The following ZNF99 variants were observed in gnomAD, a reference collection of about 807,000 sequenced individuals.
ZNF99 encodes the protein zinc finger protein 99.
A neutral mutation model predicts 12.8 loss-of-function variants in ZNF99; 8 were observed. The observed-to-expected ratio is 0.62, with a 90% confidence interval of 0.37 to 1.13. The LOEUF is 1.13. Among genes scored for constraint, ZNF99 ranks in the 50% most tolerant of loss-of-function variants. ZNF99 has a pLI of 0.02. For missense variants in ZNF99, 1,007 were observed against 1,006.2 expected (o/e 1.00, Z -0.01); for synonymous variants, 318 against 319.0 (o/e 1.00, Z 0.03).
At chr19:22,761,358 T>TA (rs1973149370) in intron 3 of ZNF99, among the ~76,000 whole-genome samples, 1 of 151,866 alleles carries the variant, frequency 6.6e-6, no homozygotes, top group South Asian at 2.1e-4. Flanking sequence ...TAAGACAAAA[T>TA]AAACTTTAAA....
Position 22,769,760 on chromosome 19 carries a change from C to CAA in ZNF99, c.4-438_4-437dup, listed in dbSNP as rs376034686. Among the ~76,000 whole-genome samples the CAA allele has an allele frequency of 2.3e-3, 198 of 85,008 alleles. 1 individual carries two copies. The highest frequency in any genetic ancestry group is 7.7e-3 in the Middle Eastern group (1 of 130). The allele number at this position is 85,008 out of a possible 152,430, so 55.8% of individuals were successfully genotyped here. ...TGGGCGACAGAGCTAGACTCTGTCTCAAAAAAAAAAAAATAAAGAAAAGAA... is the reference window on the plus strand; with the variant it reads ...TGGGCGACAGAGCTAGACTCTGTCTCAAAAAAAAAAAAAAATAAAGAAAAGAA... On this transcript the variant is annotated intron_variant, in intron 1 of 3. Transcript: ENST00000596209.
At chr19:22,763,595 C>A (rs1463863694) in intron 3 of ZNF99, among the ~76,000 whole-genome samples, 1 of 152,086 alleles carries the variant, frequency 6.6e-6, no homozygotes, top group Non-Finnish European at 1.5e-5. Context: ...CATCAAAATA[C>A]CACCGTCATT....
rs1490254506 is a variant in ZNF99, at chr19:22,757,897, T to C, written c.2012A>G (p.His671Arg). The change falls in exon 4 of 4, where the codon CAT becomes CGT. Residue 671 changes from histidine (H) to arginine (R), a missense_variant. Transcript: ENST00000596209. ...SSHLTRHKVI[H>R]TEEKPYKCEE... is the part of the protein sequence containing the mutation. ...ACATTTGTAGGGTTTCTCTTCAGTA[T>C]GAATTACTTTATGTCTAGTAAGGTG... The C allele has an allele frequency of 1.9e-6, 3 of 1,612,704 alleles. No individual in the cohort carries two copies. Among genetic ancestry groups the C allele is most frequent in the Admixed American group, 1.7e-5 (1 of 59,946 alleles).
Position 22,753,954 on chromosome 19 carries a change from TATG to T in ZNF99, c.*3357_*3359del. The T allele has an allele frequency of 2.2e-6, 1 of 448,902 alleles. No individual in the cohort carries two copies. Among genetic ancestry groups the T allele is most frequent in the South Asian group, 1.6e-5 (1 of 63,626 alleles). 27.8% of individuals were successfully genotyped at this position (448,902 alleles called of 1,614,324 possible). On this transcript the variant is annotated 3_prime_UTR_variant, in exon 4 of 4. Coordinates refer to ENST00000596209, the MANE Select transcript of ZNF99 (RefSeq NM_001080409.3). ...ACTCACATCTAGGGCTTCTTGACAC[TATG>T]ATTTCTTTTATGTTTAGAAAAGTTT... is the stretch of plus-strand genomic sequence containing the variant.
At chr19:22,779,074 G>C (rs1973359328) in intron 1 of ZNF99, among the ~76,000 whole-genome samples, 1 of 151,944 alleles carries the variant, frequency 6.6e-6, no homozygotes, top group South Asian at 2.1e-4. Flanking sequence ...GTAAATAGCT[G>C]TGATTAATAA....
chr19:22,779,206 G>A (rs748531255), intron 1 of ZNF99, among the ~76,000 whole-genome samples: 3 of 151,530 alleles, frequency 2.0e-5, no homozygotes, highest in Non-Finnish European at 4.4e-5. Context: ...TCTGCACATT[G>A]TCTCCTTTTT....
rs750728714 is a variant in ZNF99 at position 22,757,765 on chromosome 19, C to G, written c.2144G>C (p.Ser715Thr). The change falls in exon 4 of 4, where the codon AGC becomes ACC. Residue 715 changes from serine (S) to threonine (T), a missense_variant. Transcript: ENST00000596209. ...ATGTTTTCTAAGAGTTGAGGACTGG[C>G]TAAAAGCTTTGCCACATTCTTCACA... ...YKCEECGKAF[S>T]QSSTLRKHEI... The G allele has an allele frequency of 7.5e-6, 12 of 1,590,362 alleles. No homozygotes were observed. The South Asian group carries it at 1.3e-4, about 18-fold the overall frequency.
Position 22,759,356 on chromosome 19 carries a change from G to A in ZNF99, c.553C>T (p.Leu185Phe). 6.4e-7 allele frequency: 1 copy of A among 1,550,748 alleles called. No homozygotes were observed. Among genetic ancestry groups the A allele is most frequent in the Non-Finnish European group, 8.7e-7 (1 of 1,148,254 alleles). The change falls in exon 4 of 4, where the codon CTT becomes TTT. Residue 185 changes from leucine to phenylalanine, a missense_variant. Coordinates refer to ENST00000596209, the MANE Select transcript of ZNF99 (RefSeq NM_001080409.3). Reference sequence around the variant, plus strand: ...CTCTTATGTTGAATTAAGTGTGAAAGCATGAAAAATGATTTGCTACATTTC... The same window carrying A: ...CTCTTATGTTGAATTAAGTGTGAAAACATGAAAAATGATTTGCTACATTTC... ...CMKCSKSFFM[L>F]SHLIQHKRIH...
chr19:22,755,238 T>C lies in ZNF99; in HGVS notation c.*2076A>G. The C allele has an allele frequency of 3.6e-6, 1 of 275,484 alleles. No homozygotes were observed. Among genetic ancestry groups the C allele is most frequent in the South Asian group, 4.2e-5 (1 of 23,926 alleles). The allele number at this position is 275,484 out of a possible 1,614,324, so 17.1% of individuals were successfully genotyped here. On this transcript the variant is annotated 3_prime_UTR_variant, in exon 4 of 4. Coordinates refer to ENST00000596209, the MANE Select transcript of ZNF99 (RefSeq NM_001080409.3). ...TTTCTCCAGTACGAATTTTCTTATG[T>C]CTAATAAAGTTTAACTGATTAAAAG... is the stretch of plus-strand genomic sequence containing the variant.
Position 22,758,422 on chromosome 19 carries a change from A to C in ZNF99, c.1487T>G (p.Leu496Arg). ...CATATGAATTACCTTATGTACAGTA[A>C]GTTTTGAGGACCACTTAAAAGCTTT... ...CGKAFKWSSK[L>R]TVHKVIHMEE... Residue 496 changes from leucine (L) to arginine (R), a missense_variant, in exon 4 of 4, where the codon CTT becomes CGT. Physicochemically the swap from Leu to Arg is moderately radical, Grantham distance 102. Transcript: ENST00000596209. The C allele has an allele frequency of 6.2e-7, 1 of 1,604,694 alleles. No individual in the cohort carries two copies. Among genetic ancestry groups the C allele is most frequent in the Non-Finnish European group, 8.5e-7 (1 of 1,173,794 alleles).
rs751645491 is a variant in ZNF99, at chr19:22,757,758, G to A, written c.2151C>T (p.Ser717=). 2 of 1,612,216 alleles carry A rather than the reference G, an allele frequency of 1.2e-6. No homozygotes were observed. Among genetic ancestry groups the A allele is most frequent in the East Asian group, 4.5e-5 (2 of 44,774 alleles). The change falls in exon 4 of 4, where the codon TCC becomes TCT. Residue 717 remains serine (S), a synonymous_variant. Transcript: ENST00000596209. ...TTATCTCATGTTTTCTAAGAGTTGA[G>A]GACTGGCTAAAAGCTTTGCCACATT... ...CEECGKAFSQ[S]STLRKHEIIH...
intron 1 of ZNF99, chr19:22,771,179 T>C (rs940730727): frequency 6.8e-6 from 1 of 147,344 alleles, no homozygotes; most frequent in Non-Finnish European, 1.5e-5. Context: ...TCTCAGGTGA[T>C]CCACCCGCCT....
rs1973058051 is a variant in ZNF99 at position 22,756,540 on chromosome 19, G to C, written c.*774C>G. ...CTTTGCCACGTTCTTCACATTTGTA[G>C]GGTTTCTCTCCAGTATGAATTGATT... On this transcript the variant is annotated 3_prime_UTR_variant, in exon 4 of 4. Coordinates refer to ENST00000596209, the MANE Select transcript of ZNF99 (RefSeq NM_001080409.3). 1.9e-6 allele frequency: 3 copies of C among 1,596,310 alleles called. No homozygotes were observed. The highest frequency in any genetic ancestry group is 1.5e-5 in the African/African-American group (1 of 66,530).
At chr19:22,765,680 G>A (rs1288858991) in intron 3 of ZNF99, among the ~76,000 whole-genome samples, 1 of 146,180 alleles carries the variant, frequency 6.8e-6, no homozygotes, top group African/African-American at 2.5e-5. Context: ...CACTAGCACA[G>A]TTAAAAAAAA....
chr19:22,756,120 T>C lies in ZNF99; in HGVS notation c.*1194A>G, dbSNP rs764047985. The C allele has an allele frequency of 3.9e-5, 58 of 1,480,174 alleles. No individual in the cohort carries two copies. Among genetic ancestry groups the C allele is most frequent in the Non-Finnish European group, 4.6e-5 (51 of 1,099,364 alleles). 91.7% of individuals were successfully genotyped at this position (1,480,174 alleles called of 1,614,324 possible). ...AAAGCTTTGCCACATTCTTCACATA[T>C]GGAGGGTCTGTCTCTAGTATAAATT... On this transcript the variant is annotated 3_prime_UTR_variant, in exon 4 of 4. Coordinates refer to ENST00000596209, the MANE Select transcript of ZNF99 (RefSeq NM_001080409.3).
chr19:22,764,491 G>T (rs557164596), intron 3 of ZNF99, among the ~76,000 whole-genome samples: 4 of 152,162 alleles, frequency 2.6e-5, no homozygotes, highest in Admixed American at 2.6e-4. Context: ...TCAAAACAGG[G>T]ACTTAATTAA....
At chr19:22,763,904 CTTTTTTTTTTTT>C (rs965211065) in intron 3 of ZNF99, among the ~76,000 whole-genome samples, 5 of 101,686 alleles carry the variant, frequency 4.9e-5, no homozygotes, top group Non-Finnish European at 9.0e-5. Flanking sequence ...TTTTTCTTTC[CTTTTTTTTTTTT>C]TTTTTTTTTT....
chr19:22,756,738 T>C lies in ZNF99; in HGVS notation c.*576A>G, dbSNP rs62119149. 4.5e-6 allele frequency: 6 copies of C among 1,330,536 alleles called. No individual in the cohort carries two copies. In the Admixed American group the frequency reaches 6.2e-5, roughly 14 times the overall value. 82.4% of individuals were successfully genotyped at this position (1,330,536 alleles called of 1,614,324 possible). A position where few individuals can be genotyped will look rare whatever the true frequency, so the allele number is the denominator to read the frequency against. On this transcript the variant is annotated 3_prime_UTR_variant, in exon 4 of 4. Transcript: ENST00000596209. ...TCTCCCCAGTATGAATTATCTTATG[T>C]TTCATAAGGGTTGAGGAATTGTTAA...
At chr19:22,783,167 C>A (rs1303360024) in intron 1 of ZNF99, among the ~76,000 whole-genome samples, 1 of 152,018 alleles carries the variant, frequency 6.6e-6, no homozygotes, top group South Asian at 2.1e-4. Flanking sequence ...GTAATCCCAG[C>A]TACTCGGGAG....
Sources: allele counts gnomAD v4.1 joint callset (sites outside exome capture counted in the v4.1 genomes callset), GRCh38; gene constraint gnomAD v4.1.1; transcripts MANE v1.5; gene names NCBI Gene and HGNC (gene_info 2026-07-23, HGNC 2026-07-21).